YARS1: variants seen among roughly 807,000 people sequenced by gnomAD.
YARS1 encodes tyrosine--tRNA ligase, cytoplasmic.
YARS1 carries 36 observed loss-of-function variants against 62.2 expected under a neutral mutation model. The observed-to-expected ratio is 0.58, with a 90% CI of 0.44 to 0.76. The LOEUF is 0.76. Ranked by LOEUF, YARS1 falls within the 30% of genes least tolerant of loss-of-function variation. YARS1 has a pLI of 0.00. For synonymous variants in YARS1, 234 were observed against 244.9 expected, an observed-to-expected ratio of 0.96 and a Z score of 0.42; for missense variants, 524 against 639.8, an observed-to-expected ratio of 0.82 and a Z score of 1.95.
intron 9 of YARS1, 120 bp downstream of exon 9, chr1:32,782,283 AC>A: frequency 6.5e-7 from 1 of 1,534,164 alleles, no homozygotes; most frequent in Non-Finnish European, 9.0e-7. Flanking sequence ...GTAGGACATG[AC>A]ATTCCTGCAC....
intron 9 of YARS1, chr1:32,782,157 C>T (rs1653081177): frequency 1.7e-6 from 1 of 574,404 alleles, no homozygotes; most frequent in Non-Finnish European, 3.1e-6. Context: ...CTAGAAGGAC[C>T]AAAGTATACA....
intron 4 of YARS1, among the ~76,000 whole-genome samples, chr1:32,800,076 G>A (rs534785825): frequency 5.3e-5 from 8 of 151,962 alleles, no homozygotes; most frequent in Non-Finnish European, 1.2e-4. Flanking sequence ...CACCTCCTGC[G>A]TTCAAGCGAT....
Position 32,786,986 on chromosome 1 carries a change from A to G in YARS1, c.774T>C (p.Asn258=), listed in dbSNP as rs1174004980. Residue 258 remains asparagine (N), a synonymous_variant, in exon 7 of 13, where the codon AAT becomes AAC. Coordinates refer to ENST00000373477, the MANE Select transcript of YARS1 (RefSeq NM_003680.4). ...CATGCTTGATGAAGGACAGAACCCC[A>G]TTGTTCTCCACATTTCCTGGCTCAC... ...AFCEPGNVEN[N]GVLSFIKHVL... 1 of 1,613,956 alleles carries G rather than the reference A, an allele frequency of 6.2e-7. No homozygotes were observed. Among genetic ancestry groups the G allele is most frequent in the African/African-American group, 1.3e-5 (1 of 74,892 alleles).
intron 11 of YARS1, chr1:32,779,756 G>A: frequency 1.6e-6 from 1 of 629,594 alleles, no homozygotes; most frequent in Non-Finnish European, 2.7e-6. Flanking sequence ...GTGTTTCTAG[G>A]GGAGGAAGTA....
At chr1:32,806,725 G>T in intron 3 of YARS1, 114 bp from the exon 4 acceptor site, 1 of 1,425,198 alleles carries the variant, frequency 7.0e-7, no homozygotes, top group Non-Finnish European at 9.7e-7. Context: ...CAGGGATCTC[G>T]GTTTTAAAAA....
chr1:32,817,059 G>A, intron 1 of YARS1, 129 bp downstream of exon 1: 2 of 1,194,672 alleles, frequency 1.7e-6, no homozygotes, highest in Non-Finnish European at 1.2e-6. Flanking sequence ...GAGATCTACA[G>A]GCTCTCTCAG....
intron 5 of YARS1, among the ~76,000 whole-genome samples, chr1:32,795,428 A>G (rs12133278): frequency 0.031 from 4,796 of 152,278 alleles, 80 homozygotes; most frequent in Non-Finnish European, 0.046. Context: ...AAAATATCTA[A>G]CTTAAACTGT....
intron 6 of YARS1, among the ~76,000 whole-genome samples, 179 bp from the exon 7 acceptor site, chr1:32,787,254 T>G (rs1357572099): frequency 6.6e-6 from 1 of 150,394 alleles, no homozygotes; most frequent in Non-Finnish European, 1.5e-5. Context: ...CTCAGCCTCC[T>G]GGAAAGCTGG....
At chr1:32,780,492 G>A in intron 10 of YARS1, 1 of 599,866 alleles carries the variant, frequency 1.7e-6, no homozygotes, top group Non-Finnish European at 3.0e-6. Context: ...TTTGAGTAAA[G>A]TGGACCTAGA....
chr1:32,813,091 C>T (rs1638622458), intron 1 of YARS1, among the ~76,000 whole-genome samples: 1 of 152,012 alleles, frequency 6.6e-6, no homozygotes, highest in Non-Finnish European at 1.5e-5. Flanking sequence ...ATCTTTGAAT[C>T]CACCTAGAAC....
intron 4 of YARS1, among the ~76,000 whole-genome samples, chr1:32,801,912 C>T (rs1162574067): frequency 2.6e-5 from 4 of 151,592 alleles, no homozygotes; most frequent in African/African-American, 9.7e-5. Context: ...TCTTCAGGCT[C>T]CACTCCTAAT....
intron 4 of YARS1, among the ~76,000 whole-genome samples, chr1:32,804,515 A>G (rs1229539718): frequency 6.9e-6 from 1 of 145,080 alleles, no homozygotes; most frequent in Non-Finnish European, 1.5e-5. Flanking sequence ...CACTTCTCAG[A>G]CGGGGCGGCT....
rs1299055457 is a variant in YARS1 at position 32,810,777 on chromosome 1, G to A, written c.205-11C>T. The A allele has an allele frequency of 6.2e-7, 1 of 1,614,178 alleles. No individual in the cohort carries two copies. Among genetic ancestry groups the A allele is most frequent in the South Asian group, 1.1e-5 (1 of 91,082 alleles). On this transcript the variant is annotated splice_polypyrimidine_tract_variant and intron_variant, in intron 2 of 12. Coordinates refer to ENST00000373477, the MANE Select transcript of YARS1 (RefSeq NM_003680.4). ...AAACAGAATTGTTACCTGGACAAGAGATAAGGGGCCACCAAAATGTGAATT... is the reference window on the plus strand; with the variant it reads ...AAACAGAATTGTTACCTGGACAAGAAATAAGGGGCCACCAAAATGTGAATT...
intron 6 of YARS1, among the ~76,000 whole-genome samples, chr1:32,788,852 G>C (rs1408669313): frequency 1.3e-5 from 2 of 152,032 alleles, no homozygotes; most frequent in South Asian, 2.1e-4. Context: ...ATAGGATCTT[G>C]CTTGCTCTGT....
chr1:32,816,916 T>G, intron 1 of YARS1: 1 of 586,688 alleles, frequency 1.7e-6, no homozygotes, highest in Non-Finnish European at 3.0e-6. Flanking sequence ...TGGCACTTAA[T>G]AGGGGGGTGG....
chr1:32,792,844 C>T (rs1653457148), intron 5 of YARS1, among the ~76,000 whole-genome samples: 1 of 150,880 alleles, frequency 6.6e-6, no homozygotes, highest in African/African-American at 2.4e-5. Flanking sequence ...TGCGCCACTG[C>T]ACTCTAGCCT....
At chr1:32,806,352 T>C (rs1163263579) in intron 4 of YARS1, 130 bp downstream of exon 4, 1 of 1,451,364 alleles carries the variant, frequency 6.9e-7, no homozygotes, top group African/African-American at 1.4e-5. Context: ...GTACACAGGG[T>C]TGCCACACAC....
chr1:32,817,152 AT>A (rs768532839), intron 1 of YARS1, 35 bp downstream of exon 1: 2 of 1,613,310 alleles, frequency 1.2e-6, no homozygotes, highest in Admixed American at 1.7e-5. Context: ...CGGGCTCCTA[AT>A]CCCCAACGGC....
chr1:32,803,383 C>T lies in YARS1; in HGVS notation c.510+3099G>A, dbSNP rs192967350. Among the ~76,000 whole-genome samples the T allele has an allele frequency of 1.7e-3, 257 of 151,156 alleles. 2 individuals are homozygous for T. The highest frequency in any genetic ancestry group is 6.0e-3 in the African/African-American group (246 of 41,048). On this transcript the variant is annotated intron_variant, in intron 4 of 12. Transcript: ENST00000373477. Reference sequence around the variant, plus strand: ...CTGGCCTCAAGTGATTTGCTCACCTCGGCATCCCAAAGTGCTGGGATTACA... The same window carrying T: ...CTGGCCTCAAGTGATTTGCTCACCTTGGCATCCCAAAGTGCTGGGATTACA...
Sources: allele counts gnomAD v4.1 joint callset (sites outside exome capture counted in the v4.1 genomes callset), GRCh38; gene constraint gnomAD v4.1.1; transcripts MANE v1.5; gene names NCBI Gene and HGNC (gene_info 2026-07-23, HGNC 2026-07-21).